The following RUNX2 variants were observed in gnomAD, a reference collection of about 807,000 sequenced individuals.
RUNX2 encodes the protein runt-related transcription factor 2.
In RUNX2, 10 loss-of-function variants were observed where a neutral mutation model predicts 51.7. That is an observed-to-expected ratio of 0.19 (90% CI 0.12 to 0.33). The LOEUF (loss-of-function observed/expected upper bound fraction) is 0.33, where lower values mean the gene tolerates loss of function less well. RUNX2 is among the 10% of genes least tolerant of loss of function. The pLI is 1.00. For missense variants in RUNX2, 562 were observed against 691.3 expected (o/e 0.81, Z 2.10); for synonymous variants, 276 against 273.6 (o/e 1.01, Z -0.09).
At chr6:45,378,499 AC>A (rs1797116981) in intron 2 of RUNX2, among the ~76,000 whole-genome samples, 2 of 152,166 alleles carry the variant, frequency 1.3e-5, no homozygotes, top group Non-Finnish European at 2.9e-5. Flanking sequence ...GGACGGCGAA[AC>A]CAGCTCTTAC....
chr6:45,508,015 A>C (rs1476919595), intron 6 of RUNX2, among the ~76,000 whole-genome samples: 2 of 152,098 alleles, frequency 1.3e-5, no homozygotes, highest in Non-Finnish European at 2.9e-5. Flanking sequence ...GGAAACTTTA[A>C]TCTTAGATAC....
Position 45,549,109 on chromosome 6 carries a change from G to T in RUNX2, c.*1804G>T. 1 of 398,496 alleles carries T rather than the reference G, an allele frequency of 2.5e-6. No individual in the cohort carries two copies. The highest frequency in any genetic ancestry group is 1.3e-4 in the South Asian group (1 of 7,742). The allele number at this position is 398,496 out of a possible 1,614,324, so 24.7% of individuals were successfully genotyped here. A position where few individuals can be genotyped will look rare whatever the true frequency, so the allele number is the denominator to read the frequency against. On this transcript the variant is annotated 3_prime_UTR_variant, in exon 9 of 9. Transcript: ENST00000647337. ...AGAGTCCTTCTGTGGCATGCACTTT[G>T]ACCACTCCTGGCAGTCACATGGCAG...
intron 2 of RUNX2, among the ~76,000 whole-genome samples, chr6:45,386,777 C>T (rs1264144572): frequency 6.6e-6 from 1 of 152,180 alleles, no homozygotes; most frequent in Non-Finnish European, 1.5e-5. Flanking sequence ...TTGGAGGAAA[C>T]TGCCAGTTGT....
chr6:45,397,633 G>A (rs1255562614), intron 2 of RUNX2, among the ~76,000 whole-genome samples: 1 of 152,056 alleles, frequency 6.6e-6, no homozygotes, highest in South Asian at 2.1e-4. Context: ...CCAGATTCAT[G>A]ATACTTATTA....
At chr6:45,399,463 G>A (rs1289240490) in intron 2 of RUNX2, among the ~76,000 whole-genome samples, 3 of 140,680 alleles carry the variant, frequency 2.1e-5, no homozygotes, top group South Asian at 2.4e-4. Context: ...GAGTTCAAGC[G>A]ATTCTCCTGC....
intron 2 of RUNX2, among the ~76,000 whole-genome samples, chr6:45,411,826 TA>T (rs1391208379): frequency 6.6e-6 from 1 of 151,838 alleles, no homozygotes; most frequent in Non-Finnish European, 1.5e-5. Context: ...ACAGAATAAA[TA>T]AAAAAACTAT....
intron 7 of RUNX2, among the ~76,000 whole-genome samples, chr6:45,542,854 TGTG>T (rs1321560647): frequency 6.6e-6 from 1 of 152,224 alleles, no homozygotes; most frequent in Non-Finnish European, 1.5e-5. Context: ...TAGCTGTGGC[TGTG>T]ATTTTGTGAT....
At chr6:45,422,349 G>A (rs1206841615) in intron 2 of RUNX2, 4 of 478,542 alleles carry the variant, frequency 8.4e-6, no homozygotes, top group African/African-American at 2.1e-5. Flanking sequence ...TGCGCCTCCC[G>A]GGTCTCCCTA....
intron 7 of RUNX2, among the ~76,000 whole-genome samples, chr6:45,531,364 C>A (rs905872070): frequency 1.3e-5 from 2 of 152,048 alleles, no homozygotes; most frequent in African/African-American, 4.8e-5. Context: ...GGACCAAATC[C>A]CTAACAAGAA....
intron 5 of RUNX2, among the ~76,000 whole-genome samples, chr6:45,488,747 A>G (rs1052042522): frequency 6.6e-6 from 1 of 152,188 alleles, no homozygotes; most frequent in Non-Finnish European, 1.5e-5. Flanking sequence ...TCCAGGACTG[A>G]GCATTTTTAC....
At chr6:45,512,953 C>G (rs1300830119) in intron 7 of RUNX2, among the ~76,000 whole-genome samples, 2 of 152,126 alleles carry the variant, frequency 1.3e-5, no homozygotes, top group Admixed American at 1.3e-4. Context: ...CTCTGAGTGG[C>G]TAACTCAAGA....
intron 5 of RUNX2, among the ~76,000 whole-genome samples, chr6:45,470,047 A>G (rs867678563): frequency 1.3e-5 from 2 of 152,292 alleles, no homozygotes; most frequent in Middle Eastern, 3.4e-3. Context: ...GGAAAAGTAG[A>G]TATTTTTTCT....
At chr6:45,452,217 C>T (rs771726963) in intron 5 of RUNX2, among the ~76,000 whole-genome samples, 1 of 152,188 alleles carries the variant, frequency 6.6e-6, no homozygotes, top group Non-Finnish European at 1.5e-5. Context: ...CCAGGTGACA[C>T]CAAAGTTCGT....
intron 2 of RUNX2, among the ~76,000 whole-genome samples, chr6:45,355,792 A>G (rs1360966658): frequency 6.6e-6 from 1 of 152,212 alleles, no homozygotes; most frequent in Non-Finnish European, 1.5e-5. Flanking sequence ...CTTGACTTAG[A>G]AATGGGTTGT....
intron 2 of RUNX2, among the ~76,000 whole-genome samples, chr6:45,385,329 T>C (rs1351593669): frequency 1.3e-5 from 2 of 152,198 alleles, no homozygotes; most frequent in Admixed American, 1.3e-4. Context: ...CAAGTTTTTT[T>C]CTTATTTCTG....
intron 2 of RUNX2, among the ~76,000 whole-genome samples, chr6:45,380,447 G>A (rs542152534): frequency 6.6e-6 from 1 of 152,350 alleles, no homozygotes; most frequent in East Asian, 1.9e-4. Context: ...CAAAGAGAAA[G>A]TGCATGTATC....
At chr6:45,466,519 A>G (rs1799634062) in intron 5 of RUNX2, among the ~76,000 whole-genome samples, 1 of 152,176 alleles carries the variant, frequency 6.6e-6, no homozygotes, top group Admixed American at 6.5e-5. Context: ...TTGCCAGGCT[A>G]CAATACAGCT....
rs542036678 is a variant in RUNX2, at chr6:45,341,231, A to G, written c.58+12447A>G. The stretch of plus-strand genomic sequence containing the variant: ...TTTTCTCTGGCAGAGGGTAGGAATA[A>G]AGCTATGAGATTATATTTTTCAGTC... On this transcript the variant is annotated intron_variant, in intron 2 of 8. Transcript: ENST00000647337. Among the ~76,000 whole-genome samples, 4 of 152,306 alleles carry G rather than the reference A, an allele frequency of 2.6e-5. No individual in the cohort carries two copies. The South Asian group carries it at 8.3e-4, about 32-fold the overall frequency.
At chr6:45,487,562 T>C (rs113596458) in intron 5 of RUNX2, among the ~76,000 whole-genome samples, 1 of 152,300 alleles carries the variant, frequency 6.6e-6, no homozygotes, top group African/African-American at 2.4e-5. Context: ...CAGTAAGGGC[T>C]TATCTCTAGA....
Sources: allele counts gnomAD v4.1 joint callset (sites outside exome capture counted in the v4.1 genomes callset), GRCh38; gene constraint gnomAD v4.1.1; transcripts MANE v1.5; gene names NCBI Gene and HGNC (gene_info 2026-07-23, HGNC 2026-07-21).